GALNT13: variants seen among roughly 807,000 people sequenced by gnomAD.
The protein encoded by GALNT13 is UDP-GalNAc:polypeptide N-acetylgalactosaminyltransferase 13.
A neutral mutation model predicts 64.2 loss-of-function variants in GALNT13; 28 were observed. The ratio of observed to expected loss-of-function variants is 0.44; its 90% CI spans 0.32 to 0.60. The LOEUF is 0.60. Ranked by LOEUF, GALNT13 falls within the 20% of genes least tolerant of loss-of-function variation. The pLI is 0.05. For synonymous variants in GALNT13, 214 were observed against 224.6 expected (o/e 0.95, Z 0.42); for missense variants, 577 against 669.8 (o/e 0.86, Z 1.53).
chr2:153,426,978 C>T, the GALNT13 span, among the ~76,000 whole-genome samples: 1 of 151,820 alleles, frequency 6.6e-6, no homozygotes, highest in Admixed American at 6.6e-5. Context: ...GATAACCAAA[C>T]ATTAGAGTAT....
intron 8 of GALNT13, among the ~76,000 whole-genome samples, chr2:154,273,549 G>T (rs1208519941): frequency 6.6e-6 from 1 of 152,032 alleles, no homozygotes; most frequent in African/African-American, 2.4e-5. Context: ...TTGTGTTTTG[G>T]TCAACAACGA....
At chr2:153,988,316 C>T (rs1382858843) in intron 3 of GALNT13, among the ~76,000 whole-genome samples, 1 of 151,860 alleles carries the variant, frequency 6.6e-6, no homozygotes, top group Non-Finnish European at 1.5e-5. Flanking sequence ...ACTTTTCATT[C>T]CCTCTCACCT....
At chr2:154,354,221 G>A (rs1289165647) in intron 9 of GALNT13, among the ~76,000 whole-genome samples, 1 of 151,930 alleles carries the variant, frequency 6.6e-6, no homozygotes, top group African/African-American at 2.4e-5. Flanking sequence ...TTTCTGTTCA[G>A]GTCTTTTGCA....
the GALNT13 span, among the ~76,000 whole-genome samples, chr2:153,587,619 A>G: frequency 6.6e-6 from 1 of 152,172 alleles, no homozygotes; most frequent in African/African-American, 2.4e-5. Flanking sequence ...ACCTTCCTCC[A>G]TGATTCAGTT....
the GALNT13 span, among the ~76,000 whole-genome samples, chr2:153,316,040 C>T: frequency 1.1e-4 from 16 of 151,474 alleles, no homozygotes; most frequent in African/African-American, 3.6e-4. Context: ...TGAAAAAGAG[C>T]TCACCATCAT....
chr2:153,723,737 CAACTTACAAGGG>C, the GALNT13 span, among the ~76,000 whole-genome samples: 3 of 151,630 alleles, frequency 2.0e-5, no homozygotes, highest in Non-Finnish European at 2.9e-5. Flanking sequence ...CCTAGGAATC[CAACTTACAAGGG>C]ATGTGAAGGA....
chr2:153,678,281 G>A, the GALNT13 span, among the ~76,000 whole-genome samples: 2 of 151,480 alleles, frequency 1.3e-5, no homozygotes. Flanking sequence ...ATCAACATAG[G>A]TGTCCATCAG....
At chr2:153,437,825 C>T in the GALNT13 span, among the ~76,000 whole-genome samples, 7 of 152,288 alleles carry the variant, frequency 4.6e-5, no homozygotes, top group African/African-American at 9.6e-5. Context: ...AGCCCATTTA[C>T]ATTTAAGGTT....
chr2:154,342,273 C>T (rs531452044), intron 9 of GALNT13, among the ~76,000 whole-genome samples: 1 of 152,044 alleles, frequency 6.6e-6, no homozygotes, highest in East Asian at 1.9e-4. Flanking sequence ...GGGTTGAGTA[C>T]TGAGGTAATT....
the GALNT13 span, among the ~76,000 whole-genome samples, chr2:153,719,916 G>T: frequency 6.6e-6 from 1 of 152,138 alleles, no homozygotes; most frequent in African/African-American, 2.4e-5. Flanking sequence ...GCTTGCTTAG[G>T]TAAACAAAGC....
intron 3 of GALNT13, among the ~76,000 whole-genome samples, chr2:154,115,763 G>A (rs1299179945): frequency 6.6e-6 from 1 of 152,088 alleles, no homozygotes; most frequent in African/African-American, 2.4e-5. Flanking sequence ...AACATTAAAT[G>A]CAGAGTCCCT....
At chr2:153,814,449 A>ATAAGTAAG in the GALNT13 span, among the ~76,000 whole-genome samples, 663 of 148,382 alleles carry the variant, frequency 4.5e-3, 10 homozygotes, top group East Asian at 0.015. Context: ...CAATAAATAA[A>ATAAGTAAG]TAAGTAAGTA....
the GALNT13 span, among the ~76,000 whole-genome samples, chr2:153,559,720 CCTAT>C: frequency 6.6e-6 from 1 of 151,772 alleles, no homozygotes; most frequent in Non-Finnish European, 1.5e-5. Flanking sequence ...GGTTATTATC[CCTAT>C]CTGTTATTTA....
At chr2:154,338,153 A>G (rs576209326) in intron 9 of GALNT13, among the ~76,000 whole-genome samples, 1 of 152,242 alleles carries the variant, frequency 6.6e-6, no homozygotes, top group African/African-American at 2.4e-5. Flanking sequence ...CAACTTTCAC[A>G]TAATATATTT....
chr2:154,441,099 C>T (rs770456862), intron 12 of GALNT13, among the ~76,000 whole-genome samples: 3 of 152,048 alleles, frequency 2.0e-5, no homozygotes, highest in Non-Finnish European at 4.4e-5. Flanking sequence ...ACAAAATCTC[C>T]GATCATTCAT....
At chr2:153,336,908 C>A in the GALNT13 span, among the ~76,000 whole-genome samples, 3 of 152,112 alleles carry the variant, frequency 2.0e-5, no homozygotes, top group African/African-American at 7.2e-5. Flanking sequence ...CTTTCCCGTG[C>A]TATTCTTGTG....
At chr2:154,008,796 G>T (rs1696429560) in intron 3 of GALNT13, among the ~76,000 whole-genome samples, 1 of 151,948 alleles carries the variant, frequency 6.6e-6, no homozygotes, top group South Asian at 2.1e-4. Flanking sequence ...GAATTCCATG[G>T]TATATATATG....
At chr2:154,438,810 G>T in intron 12 of GALNT13, 84 bp downstream of exon 12, 1 of 1,112,058 alleles carries the variant, frequency 9.0e-7, no homozygotes, top group Admixed American at 2.2e-5. Flanking sequence ...ATCTTAAGCT[G>T]GTTTTTATCT....
the GALNT13 span, among the ~76,000 whole-genome samples, chr2:153,369,289 G>A: frequency 6.6e-6 from 1 of 151,212 alleles, no homozygotes; most frequent in Admixed American, 6.6e-5. Flanking sequence ...CAAAACAGGA[G>A]GAAATAATAA....
Sources: gnomAD v4.1 joint callset for allele counts (sites outside exome capture counted in the v4.1 genomes callset) on GRCh38, gnomAD v4.1.1 for gene constraint, MANE v1.5 for transcripts, NCBI Gene and HGNC (gene_info 2026-07-23, HGNC 2026-07-21) for gene names.